KCTD10: variants seen among roughly 807,000 people sequenced by gnomAD.
The protein encoded by KCTD10 is BTB/POZ domain-containing adapter for CUL3-mediated RhoA degradation protein 3.
In KCTD10, 13 loss-of-function variants were observed where a neutral mutation model predicts 34.6. That is an observed-to-expected ratio of 0.38 (90% confidence interval 0.24 to 0.60). KCTD10 has a LOEUF of 0.60. Among genes scored for constraint, KCTD10 ranks in the 20% least tolerant of loss-of-function variants. The pLI is 0.66. For synonymous variants in KCTD10, 156 were observed against 168.8 expected, an observed-to-expected ratio of 0.92 and a Z score of 0.59; for missense variants, 256 against 420.3, an observed-to-expected ratio of 0.61 and a Z score of 3.42.
rs1326003527 is a variant in KCTD10, at chr12:109,460,140, G to A, written c.387+496C>T. 6.6e-6 allele frequency among the ~76,000 whole-genome samples: 1 copy of A among 152,190 alleles called. No homozygotes were observed. The highest frequency in any genetic ancestry group is 1.5e-5 in the Non-Finnish European group (1 of 68,036). On this transcript the variant is annotated intron_variant, in intron 3 of 6. Coordinates refer to ENST00000228495, the MANE Select transcript of KCTD10 (RefSeq NM_031954.5). The surrounding 1 kb of genome is among the most constrained non-coding windows in gnomAD (Gnocchi z 4.5). The stretch of plus-strand genomic sequence containing the variant: ...AGGGATGCTTCTGATGCTCTGCCAC[G>A]TTGCAACTTTGTTTGAAATAAAGGG...
At chr12:109,468,691 C>T (rs1184628670) in intron 2 of KCTD10, among the ~76,000 whole-genome samples, 7 of 139,726 alleles carry the variant, frequency 5.0e-5, no homozygotes, top group African/African-American at 1.6e-4. Context: ...CTCGCTCTGT[C>T]GCCCAGGCTG....
intron 1 of KCTD10, among the ~76,000 whole-genome samples, chr12:109,473,452 T>C (rs1464663102): frequency 6.6e-6 from 1 of 152,072 alleles, no homozygotes; most frequent in African/African-American, 2.4e-5. Context: ...TTGAGAATGC[T>C]CCCGAAGTCT....
intron 5 of KCTD10, 144 bp from the exon 6 acceptor site, chr12:109,456,457 T>C (rs1873023471): frequency 2.9e-6 from 2 of 696,152 alleles, no homozygotes; most frequent in South Asian, 3.2e-5. Context: ...ACAAAGGCAC[T>C]CCAATCTCCA....
chr12:109,461,664 A>G (rs1873336120), intron 2 of KCTD10, among the ~76,000 whole-genome samples: 1 of 152,188 alleles, frequency 6.6e-6, no homozygotes, highest in Non-Finnish European at 1.5e-5. Context: ...TTTGTAGAAG[A>G]CAGGACTGGA....
At position 109,469,698 on chromosome 12, in the gene KCTD10, A is replaced by G. The variant is rs758981532; in HGVS notation, c.34T>C (p.Ser12Pro). The change falls in exon 2 of 7, where the codon TCA becomes CCA. Residue 12 changes from serine (S) to proline (P), a missense_variant. Transcript: ENST00000228495. Reference protein sequence around the residue: ...EEMSGESVVSSAVPAAATRTT... With the variant: ...EEMSGESVVSPAVPAAATRTT... ...CGGGTAGCAGCCGCTGGCACCGCTG[A>G]GCTCACCACACTTTCTCCTGACATC... The G allele has an allele frequency of 1.2e-6, 2 of 1,614,182 alleles. No homozygotes were observed. Among genetic ancestry groups the G allele is most frequent in the Non-Finnish European group, 8.5e-7 (1 of 1,180,046 alleles).
intron 2 of KCTD10, among the ~76,000 whole-genome samples, chr12:109,461,738 C>T (rs1191809144): frequency 6.6e-6 from 1 of 152,188 alleles, no homozygotes; most frequent in Non-Finnish European, 1.5e-5. Context: ...TATCTCCCAA[C>T]AGCAAATGTG....
At chr12:109,454,117 G>A (rs907990995) in intron 6 of KCTD10, among the ~76,000 whole-genome samples, 1 of 152,168 alleles carries the variant, frequency 6.6e-6, no homozygotes, top group Non-Finnish European at 1.5e-5. Flanking sequence ...AAATGTTTAG[G>A]ATACAATCAA....
rs1466255527 is a variant in KCTD10 at position 109,449,316 on chromosome 12, C to A, written c.*2279G>T. The A allele has an allele frequency of 6.6e-6, 1 of 152,198 alleles. No homozygotes were observed. Among genetic ancestry groups the A allele is most frequent in the African/African-American group, 2.4e-5 (1 of 41,444 alleles). The allele number at this position is 152,198 out of a possible 1,614,324, so 9.4% of individuals were successfully genotyped here. On this transcript the variant is annotated 3_prime_UTR_variant, in exon 7 of 7. Coordinates refer to ENST00000228495, the MANE Select transcript of KCTD10 (RefSeq NM_031954.5). The stretch of plus-strand genomic sequence containing the variant: ...TGTTCATATTCCAGAGAGACAAAGA[C>A]TCAAAACTACAAGTGCAAAGTTGGG...
Position 109,460,534 on chromosome 12 carries a change from C to G in KCTD10, c.387+102G>C. On this transcript the variant is annotated intron_variant, in intron 3 of 6. Coordinates refer to ENST00000228495, the MANE Select transcript of KCTD10 (RefSeq NM_031954.5). This position sits in a 1 kb window ranked among gnomAD's most constrained non-coding sequence, Gnocchi z 4.5. ...AAACTCATTAACTCTCACAACATCT[C>G]AGTCAGACAGAAACTGCCCCCATTT... 1 of 1,262,198 alleles carries G rather than the reference C, an allele frequency of 7.9e-7. No individual in the cohort carries two copies. Among genetic ancestry groups the G allele is most frequent in the South Asian group, 1.4e-5 (1 of 71,736 alleles). 78.2% of individuals were successfully genotyped at this position (1,262,198 alleles called of 1,614,324 possible). A position where few individuals can be genotyped will look rare whatever the true frequency, so the allele number is the denominator to read the frequency against.
At chr12:109,470,464 A>G (rs1331446579) in intron 1 of KCTD10, 1 of 985,416 alleles carries the variant, frequency 1.0e-6, no homozygotes, top group African/African-American at 1.7e-5. Context: ...AGAAATGGAT[A>G]CAGTGGCTGA....
intron 2 of KCTD10, among the ~76,000 whole-genome samples, chr12:109,461,379 T>G (rs1029515996): frequency 6.6e-6 from 1 of 152,096 alleles, no homozygotes; most frequent in Non-Finnish European, 1.5e-5. Flanking sequence ...CAACAAGCAC[T>G]TAGTGGCTAG....
intron 1 of KCTD10, among the ~76,000 whole-genome samples, chr12:109,472,621 G>A (rs1873944340): frequency 6.6e-6 from 1 of 152,002 alleles, no homozygotes; most frequent in Non-Finnish European, 1.5e-5. Flanking sequence ...ATTATGTACT[G>A]TACATAATTG....
At chr12:109,476,366 G>T (rs887511683) in intron 1 of KCTD10, among the ~76,000 whole-genome samples, 1 of 152,150 alleles carries the variant, frequency 6.6e-6, no homozygotes, top group Non-Finnish European at 1.5e-5. Context: ...CCTTAAGACT[G>T]CACTTTCCAG....
At chr12:109,463,421 G>A (rs1873436431) in intron 2 of KCTD10, among the ~76,000 whole-genome samples, 1 of 152,238 alleles carries the variant, frequency 6.6e-6, no homozygotes, top group Non-Finnish European at 1.5e-5. Flanking sequence ...TACTGTGGTT[G>A]CTTTCAAAGC....
intron 5 of KCTD10, chr12:109,456,698 G>A: frequency 3.9e-6 from 1 of 256,110 alleles, no homozygotes; most frequent in South Asian, 4.8e-5. Context: ...CTATATCCTA[G>A]GTCTTTTTAA....
intron 1 of KCTD10, among the ~76,000 whole-genome samples, chr12:109,476,156 C>CTTCCT (rs1333104405): frequency 1.3e-5 from 2 of 152,342 alleles, no homozygotes; most frequent in East Asian, 3.9e-4. Context: ...TCAGTAGTCT[C>CTTCCT]TGACAGGGCT....
intron 1 of KCTD10, among the ~76,000 whole-genome samples, chr12:109,472,881 T>A (rs1246608588): frequency 1.3e-5 from 2 of 152,204 alleles, no homozygotes; most frequent in African/African-American, 4.8e-5. Flanking sequence ...AATTTGCACA[T>A]AATGAAGTAT....
At chr12:109,458,273 T>C (rs897736295) in intron 3 of KCTD10, 195 bp from the exon 4 acceptor site, 2 of 576,124 alleles carry the variant, frequency 3.5e-6, no homozygotes, top group Non-Finnish European at 6.2e-6. Flanking sequence ...TCTTTGGCTA[T>C]GACCATGATA....
chr12:109,459,390 C>G (rs753649287), intron 3 of KCTD10: 3 of 152,230 alleles, frequency 2.0e-5, no homozygotes, highest in Non-Finnish European at 4.4e-5. Context: ...AACAGAACCT[C>G]TGATGTGTCT....
Sources: allele counts gnomAD v4.1 joint callset (sites outside exome capture counted in the v4.1 genomes callset), GRCh38; gene constraint gnomAD v4.1.1; non-coding constraint Gnocchi (gnomAD v3.1); transcripts MANE v1.5; gene names NCBI Gene and HGNC (gene_info 2026-07-23, HGNC 2026-07-21).